The following CLASP1 variants were observed in gnomAD, a reference collection of about 807,000 sequenced individuals.
CLASP1 encodes the protein cytoplasmic linker associated protein 1.
Under a neutral mutation model 192.3 loss-of-function variants are expected in CLASP1, and 38 were observed. The observed-to-expected ratio is 0.20, with a 90% CI of 0.15 to 0.26. The LOEUF (loss-of-function observed/expected upper bound fraction) is 0.26, where lower values mean the gene tolerates loss of function less well. Among genes scored for constraint, CLASP1 ranks in the 10% least tolerant of loss-of-function variants. The pLI, the probability that CLASP1 is intolerant of heterozygous loss-of-function variation, is 1.00. For missense variants in CLASP1, 1,433 were observed against 1,932.5 expected (o/e 0.74, Z 4.85); for synonymous variants, 691 against 712.8 (o/e 0.97, Z 0.49).
chr2:121,463,208 C>T (rs1381951327), intron 9 of CLASP1, among the ~76,000 whole-genome samples: 1 of 152,062 alleles, frequency 6.6e-6, no homozygotes, highest in African/African-American at 2.4e-5. Flanking sequence ...AATATGAGCT[C>T]CCCTTTATGT....
chr2:121,486,643 G>A (rs1333683313), intron 8 of CLASP1, among the ~76,000 whole-genome samples: 2 of 152,130 alleles, frequency 1.3e-5, no homozygotes, highest in African/African-American at 2.4e-5. Context: ...CACTACATAG[G>A]CACAAAAGTA....
intron 2 of CLASP1, among the ~76,000 whole-genome samples, chr2:121,595,227 C>T (rs896500327): frequency 1.3e-5 from 2 of 152,206 alleles, no homozygotes; most frequent in Non-Finnish European, 2.9e-5. Flanking sequence ...GCCTCTGACA[C>T]TTTCTAGTCA....
intron 20 of CLASP1, among the ~76,000 whole-genome samples, chr2:121,428,657 C>A (rs1440036516): frequency 6.6e-6 from 1 of 152,186 alleles, no homozygotes; most frequent in Non-Finnish European, 1.5e-5. Flanking sequence ...CATTCTTGGT[C>A]TTAACGGACT....
intron 7 of CLASP1, among the ~76,000 whole-genome samples, chr2:121,515,197 AT>A (rs1208288119): frequency 6.6e-6 from 1 of 152,236 alleles, no homozygotes; most frequent in Admixed American, 6.5e-5. Flanking sequence ...GCTTATACAC[AT>A]TGTGAATGAC....
intron 7 of CLASP1, among the ~76,000 whole-genome samples, chr2:121,504,664 C>T (rs964016862): frequency 1.2e-4 from 19 of 152,206 alleles, no homozygotes; most frequent in African/African-American, 4.6e-4. Context: ...AGTTCTTACC[C>T]TCTGGAGCTT....
At chr2:121,584,248 C>G (rs892543139) in intron 2 of CLASP1, among the ~76,000 whole-genome samples, 1 of 152,134 alleles carries the variant, frequency 6.6e-6, no homozygotes, top group Non-Finnish European at 1.5e-5. Flanking sequence ...TGCACCTGGC[C>G]AAATTTTTAT....
intron 25 of CLASP1, among the ~76,000 whole-genome samples, chr2:121,405,199 C>T (rs950100686): frequency 4.6e-5 from 7 of 152,148 alleles, no homozygotes; most frequent in African/African-American, 1.7e-4. Context: ...ATCCCAGTTA[C>T]TCAGGAGGCT....
At chr2:121,499,262 C>A (rs1475622268) in intron 8 of CLASP1, among the ~76,000 whole-genome samples, 2 of 152,170 alleles carry the variant, frequency 1.3e-5, no homozygotes, top group African/African-American at 4.8e-5. Flanking sequence ...ACTTCTGATA[C>A]ATGCTACATT....
At chr2:121,427,117 G>A (rs552972186) in intron 21 of CLASP1, among the ~76,000 whole-genome samples, 1 of 151,892 alleles carries the variant, frequency 6.6e-6, no homozygotes, top group South Asian at 2.1e-4. Flanking sequence ...AGTTTATAAT[G>A]ATTTAACTAA....
chr2:121,637,292 T>C (rs751781832), intron 1 of CLASP1, among the ~76,000 whole-genome samples: 21 of 151,706 alleles, frequency 1.4e-4, no homozygotes, highest in Non-Finnish European at 3.1e-4. Flanking sequence ...GAATAGAAAA[T>C]GAAGTCAAAA....
chr2:121,452,726 G>A (rs1293611301), intron 14 of CLASP1, among the ~76,000 whole-genome samples: 1 of 152,152 alleles, frequency 6.6e-6, no homozygotes, highest in Non-Finnish European at 1.5e-5. Context: ...GGGAGGCAGA[G>A]GTTGCAGTGA....
At chr2:121,585,475 C>T (rs1344727493) in intron 2 of CLASP1, among the ~76,000 whole-genome samples, 1 of 152,180 alleles carries the variant, frequency 6.6e-6, no homozygotes, top group Non-Finnish European at 1.5e-5. Context: ...ACTTGCTCTC[C>T]TTTGCCAGCG....
chr2:121,438,961 G>T (rs1039360144), intron 19 of CLASP1, among the ~76,000 whole-genome samples: 230 of 150,382 alleles, frequency 1.5e-3, no homozygotes, highest in African/African-American at 5.4e-3. Flanking sequence ...ATCTGGTCCT[G>T]GACTCTTTTT....
intron 37 of CLASP1, among the ~76,000 whole-genome samples, chr2:121,352,236 T>G (rs1295933089): frequency 6.6e-6 from 1 of 152,230 alleles, no homozygotes; most frequent in Non-Finnish European, 1.5e-5. Context: ...CCCTCGGCCA[T>G]GCACAGCCGG....
chr2:121,605,911 C>T, exon 2 of CLASP1: 2 of 1,611,330 alleles, frequency 1.2e-6, no homozygotes, highest in East Asian at 2.2e-5. Context: ...AATTCAAATC[C>T]AGATCCAGCA....
intron 26 of CLASP1, among the ~76,000 whole-genome samples, chr2:121,404,012 A>G (rs72967348): frequency 0.042 from 6,374 of 152,346 alleles, 169 homozygotes; most frequent in East Asian, 0.14. Flanking sequence ...TTTCTTCACT[A>G]CTATAACATT....
chr2:121,433,556 A>G (rs1256101734), intron 19 of CLASP1, among the ~76,000 whole-genome samples: 2 of 152,156 alleles, frequency 1.3e-5, no homozygotes, highest in Non-Finnish European at 2.9e-5. Flanking sequence ...AGAGTTTGAC[A>G]CCAGCTTGGC....
chr2:121,452,591 G>C (rs1230330201), intron 14 of CLASP1, among the ~76,000 whole-genome samples: 1 of 152,160 alleles, frequency 6.6e-6, no homozygotes, highest in East Asian at 1.9e-4. Flanking sequence ...ATGAGTTCAA[G>C]ACCAGCCTGG....
chr2:121,421,893 A>C (rs2079565367), intron 22 of CLASP1, among the ~76,000 whole-genome samples: 1 of 152,236 alleles, frequency 6.6e-6, no homozygotes, highest in Non-Finnish European at 1.5e-5. Context: ...TAGGTGATCA[A>C]AACTAAAAGA....
Sources: gnomAD v4.1 joint callset for allele counts (sites outside exome capture counted in the v4.1 genomes callset) on GRCh38, gnomAD v4.1.1 for gene constraint, MANE v1.5 for transcripts, NCBI Gene and HGNC (gene_info 2026-07-23, HGNC 2026-07-21) for gene names.